Variants in INA observed in about 807,000 individuals in gnomAD.
INA encodes the protein alpha-internexin.
A neutral mutation model predicts 40.1 loss-of-function variants in INA; 35 were observed. That is an observed-to-expected ratio of 0.87 (90% CI 0.67 to 1.16). The LOEUF (loss-of-function observed/expected upper bound fraction) is 1.16. INA is among the 50% of genes most tolerant of loss of function. The pLI, the probability that INA is intolerant of heterozygous loss-of-function variation, is 0.00. For missense variants in INA, 594 were observed against 686.7 expected (o/e 0.87, Z 1.51); for synonymous variants, 290 against 316.9 (o/e 0.92, Z 0.90).
Position 103,288,463 on chromosome 10 carries a change from C to T in INA, c.1294C>T (p.Leu432Phe). Residue 432 changes from leucine (L) to phenylalanine (F), a missense_variant, in exon 3 of 3, where the codon CTC becomes TTC. Transcript: ENST00000369849. ...NPSYLLPPRILSATTSKVSST... is the reference protein window; with the variant it reads ...NPSYLLPPRIFSATTSKVSST... ...AAGTTACCTGCTCCCACCTAGAATCCTCAGTGCTACAACCTCCAAAGTCTC... is the reference window on the plus strand; with the variant it reads ...AAGTTACCTGCTCCCACCTAGAATCTTCAGTGCTACAACCTCCAAAGTCTC... 6.2e-7 allele frequency: 1 copy of T among 1,613,970 alleles called. No individual in the cohort carries two copies. Among genetic ancestry groups the T allele is most frequent in the African/African-American group, 1.3e-5 (1 of 74,978 alleles).
chr10:103,287,060 A>G lies in INA; in HGVS notation c.1091A>G (p.Asp364Gly). Residue 364 changes from aspartate to glycine, a missense_variant, in exon 2 of 3, where the codon GAT becomes GGT. By Grantham distance (94) the Asp-to-Gly change is moderately conservative. Transcript: ENST00000369849. ...YQDSIGQLEN[D>G]LRNTKSEMAR... ...GATAGCATTGGGCAGCTGGAGAATG[A>G]TCTGAGGAACACCAAGAGTGAGATG... The G allele has an allele frequency of 1.2e-6, 2 of 1,613,992 alleles. No individual in the cohort carries two copies. Among genetic ancestry groups the G allele is most frequent in the South Asian group, 1.1e-5 (1 of 91,042 alleles).
In INA at chr10:103,277,530, G is replaced by C. The variant is rs749939557; in HGVS notation, c.319G>C (p.Val107Leu). ...QLQGLNDRFA[V>L]FIEKVHQLET... ...GCAGGGCCTCAACGACCGCTTCGCC[G>C]TGTTCATCGAGAAGGTGCATCAGCT... Residue 107 changes from valine to leucine, a missense_variant, in exon 1 of 3, where the codon GTG becomes CTG. Physicochemically the swap from Val to Leu is conservative, Grantham distance 32. Coordinates refer to ENST00000369849, the MANE Select transcript of INA (RefSeq NM_032727.4). This position sits in a 1 kb window ranked among gnomAD's most constrained non-coding sequence, Gnocchi z 5.6. 1.8e-5 allele frequency: 29 copies of C among 1,585,954 alleles called. No homozygotes were observed. The highest frequency in any genetic ancestry group is 2.1e-5 in the Non-Finnish European group (24 of 1,170,106).
At chr10:103,286,997 T>A in intron 1 of INA, 38 bp from the exon 2 acceptor site, 1 of 1,600,252 alleles carries the variant, frequency 6.2e-7, no homozygotes, top group Non-Finnish European at 8.5e-7. Flanking sequence ...GAATTTCAGC[T>A]GGTTTGGCCT....
rs753321500 is a variant in INA, at chr10:103,277,631, C to A, written c.420C>A (p.Gly140=). Residue 140 remains glycine, a synonymous_variant, in exon 1 of 3, where the codon GGC becomes GGA. Coordinates refer to ENST00000369849, the MANE Select transcript of INA (RefSeq NM_032727.4). This position sits in a 1 kb window ranked among gnomAD's most constrained non-coding sequence, Gnocchi z 5.6. ...GCCACGCTGAGCCGTCGCGCGTCGG[C>A]GAGCTCTTCCAGCGCGAGCTGCGCG... ...RQRHAEPSRV[G]ELFQRELRDL... 1.2e-5 allele frequency: 17 copies of A among 1,465,804 alleles called. No individual in the cohort carries two copies. The highest frequency in any genetic ancestry group is 1.5e-5 in the Non-Finnish European group (17 of 1,114,148). 90.8% of individuals were successfully genotyped at this position (1,465,804 alleles called of 1,614,324 possible).
intron 1 of INA, chr10:103,280,813 C>T (rs2093070999): frequency 2.0e-6 from 2 of 985,424 alleles, no homozygotes; most frequent in African/African-American, 1.7e-5. Flanking sequence ...GCATAAAAAG[C>T]TGATGGGGTT....
At position 103,278,285 on chromosome 10, in the gene INA, C is replaced by G. The variant is rs764012055; in HGVS notation, c.1065+9C>G. On this transcript the variant is annotated intron_variant, in intron 1 of 2. Coordinates refer to ENST00000369849, the MANE Select transcript of INA (RefSeq NM_032727.4). The surrounding 1 kb of genome is among the most constrained non-coding windows in gnomAD (Gnocchi z 4.9). ...AGGTAGCTGGCTACCAGGTAAGGGC[C>G]GGGGCTGGGCGTGGGGAGGGGTGCC... 2.6e-6 allele frequency: 4 copies of G among 1,527,228 alleles called. No individual in the cohort carries two copies. The highest frequency in any genetic ancestry group is 1.4e-5 in the African/African-American group (1 of 72,684). The allele number at this position is 1,527,228 out of a possible 1,614,324, so 94.6% of individuals were successfully genotyped here.
Position 103,288,953 on chromosome 10 carries a change from T to C in INA, c.*284T>C, listed in dbSNP as rs953711000. 4.5e-6 allele frequency: 1 copy of C among 223,872 alleles called. No individual in the cohort carries two copies. Among genetic ancestry groups the C allele is most frequent in the Non-Finnish European group, 8.7e-6 (1 of 114,684 alleles). 13.9% of individuals were successfully genotyped at this position (223,872 alleles called of 1,614,324 possible). A position where few individuals can be genotyped will look rare whatever the true frequency, so the allele number is the denominator to read the frequency against. On this transcript the variant is annotated 3_prime_UTR_variant, in exon 3 of 3. Transcript: ENST00000369849. ...ATCGATGATTCAGGTGCAGAGGAAG[T>C]ACAAACTAAGGTGCTAAATCTGCGA...
intron 1 of INA, among the ~76,000 whole-genome samples, chr10:103,285,130 T>C (rs930607833): frequency 6.6e-6 from 1 of 151,250 alleles, no homozygotes; most frequent in African/African-American, 2.4e-5. Context: ...ATTATAGGCA[T>C]GCACCACCAC....
At chr10:103,283,942 T>A (rs887203169) in intron 1 of INA, among the ~76,000 whole-genome samples, 1 of 151,742 alleles carries the variant, frequency 6.6e-6, no homozygotes, top group African/African-American at 2.4e-5. Context: ...GTAGAGACCA[T>A]AGTTTCACCA....
chr10:103,288,525 G>A lies in INA; in HGVS notation c.1356G>A (p.Glu452=), dbSNP rs142636733. Residue 452 remains glutamate, a synonymous_variant, in exon 3 of 3, where the codon GAG becomes GAA. Coordinates refer to ENST00000369849, the MANE Select transcript of INA (RefSeq NM_032727.4). ...TGLSLKKEEE[E]EEASKVASKK... Reference sequence around the variant, plus strand: ...TATCACTTAAGAAAGAGGAGGAGGAGGAGGAGGCATCTAAGGTAGCCTCTA... The same window carrying A: ...TATCACTTAAGAAAGAGGAGGAGGAAGAGGAGGCATCTAAGGTAGCCTCTA... The A allele has an allele frequency of 6.2e-7, 1 of 1,613,912 alleles. No homozygotes were observed. The highest frequency in any genetic ancestry group is 8.5e-7 in the Non-Finnish European group (1 of 1,179,986).
intron 1 of INA, among the ~76,000 whole-genome samples, chr10:103,283,318 C>T (rs562668095): frequency 5.3e-4 from 81 of 152,274 alleles, no homozygotes; most frequent in African/African-American, 1.9e-3. Context: ...ATTCTCTTGT[C>T]AGTAGCTAGA....
Position 103,277,169 on chromosome 10 carries a change from T to C in INA, c.-43T>C. 1 of 1,530,772 alleles carries C rather than the reference T, an allele frequency of 6.5e-7. No individual in the cohort carries two copies. 94.8% of individuals were successfully genotyped at this position (1,530,772 alleles called of 1,614,324 possible). ...CCTGCCGCACCTCTCCTTTCTTCTG[T>C]AGCTCGCGTTGAAGCCGCACGTCCG... is the stretch of plus-strand genomic sequence containing the variant. On this transcript the variant is annotated 5_prime_UTR_variant, in exon 1 of 3. Transcript: ENST00000369849. The surrounding 1 kb of genome is among the most constrained non-coding windows in gnomAD (Gnocchi z 5.6).
Position 103,277,275 on chromosome 10 carries a change from G to C in INA, c.64G>C (p.Gly22Arg). The stretch of plus-strand genomic sequence containing the variant: ...CTCCTACCGCAAGGTGTTCGGGGAT[G>C]GCTCTCGCCTGTCCGCCCGCCTCTC... Reference protein sequence around the residue: ...SSSYRKVFGDGSRLSARLSGA... With the variant: ...SSSYRKVFGDRSRLSARLSGA... Residue 22 changes from glycine (G) to arginine (R), a missense_variant, in exon 1 of 3, where the codon GGC (glycine) becomes CGC (arginine). By Grantham distance (125) the Gly-to-Arg change is moderately radical. Transcript: ENST00000369849. This position sits in a 1 kb window ranked among gnomAD's most constrained non-coding sequence, Gnocchi z 5.6. The C allele has an allele frequency of 6.3e-7, 1 of 1,590,162 alleles. No individual in the cohort carries two copies. Among genetic ancestry groups the C allele is most frequent in the Non-Finnish European group, 8.5e-7 (1 of 1,173,032 alleles).
chr10:103,280,586 C>G, intron 1 of INA: 1 of 985,408 alleles, frequency 1.0e-6, no homozygotes, highest in Non-Finnish European at 1.2e-6. Flanking sequence ...CTCTATGAAA[C>G]ATAGGAAGGC....
chr10:103,285,273 C>T (rs920309308), intron 1 of INA, among the ~76,000 whole-genome samples: 1 of 151,096 alleles, frequency 6.6e-6, no homozygotes, highest in Non-Finnish European at 1.5e-5. Context: ...CATGAGCCAT[C>T]GTGCCTGGCA....
chr10:103,289,476 T>C lies in INA; in HGVS notation c.*807T>C, dbSNP rs2093094724. On this transcript the variant is annotated 3_prime_UTR_variant, in exon 3 of 3. Transcript: ENST00000369849. ...ACTTTAGGCTTTCAGCTTACACAAA[T>C]CTATTTAATTAGGAAAAAAACTATT... 6.6e-6 allele frequency: 1 copy of C among 152,618 alleles called. No homozygotes were observed. The highest frequency in any genetic ancestry group is 2.4e-5 in the African/African-American group (1 of 41,454). 9.5% of individuals were successfully genotyped at this position (152,618 alleles called of 1,614,324 possible).
intron 1 of INA, among the ~76,000 whole-genome samples, chr10:103,284,826 G>A (rs1287124841): frequency 1.3e-5 from 2 of 152,022 alleles, no homozygotes; most frequent in African/African-American, 4.8e-5. Flanking sequence ...GCATTCAACT[G>A]AGTGCTTTTT....
At position 103,277,294 on chromosome 10, in the gene INA, G is replaced by A. The variant is rs772560394; in HGVS notation, c.83G>A (p.Arg28His). 8 of 1,590,194 alleles carry A rather than the reference G, an allele frequency of 5.0e-6. No individual in the cohort carries two copies. Among genetic ancestry groups the A allele is most frequent in the African/African-American group, 2.8e-5 (2 of 71,700 alleles). Reference sequence around the variant, plus strand: ...GGGGATGGCTCTCGCCTGTCCGCCCGCCTCTCTGGGGCCGGCGGCGCGGGC... The same window carrying A: ...GGGGATGGCTCTCGCCTGTCCGCCCACCTCTCTGGGGCCGGCGGCGCGGGC... ...VFGDGSRLSA[R>H]LSGAGGAGGF... The change falls in exon 1 of 3, where the codon CGC becomes CAC. Residue 28 changes from arginine to histidine, a missense_variant. Coordinates refer to ENST00000369849, the MANE Select transcript of INA (RefSeq NM_032727.4). This position sits in a 1 kb window ranked among gnomAD's most constrained non-coding sequence, Gnocchi z 5.6.
At position 103,277,226 on chromosome 10, in the gene INA, G is replaced by A. The variant is rs377641394; in HGVS notation, c.15G>A (p.Ser5=). 8 of 1,581,240 alleles carry A rather than the reference G, an allele frequency of 5.1e-6. No homozygotes were observed. The highest frequency in any genetic ancestry group is 6.0e-6 in the Non-Finnish European group (7 of 1,167,450). MSFG[S]EHYLCSSSSY... is the part of the protein sequence containing the mutation. ...ATCCCGGCACCATGAGCTTCGGCTC[G>A]GAGCACTACCTGTGCTCCTCCTCCT... Residue 5 remains serine, a synonymous_variant, in exon 1 of 3, where the codon TCG becomes TCA. Transcript: ENST00000369849. This position sits in a 1 kb window ranked among gnomAD's most constrained non-coding sequence, Gnocchi z 5.6.
Sources: gnomAD v4.1 joint callset for allele counts (sites outside exome capture counted in the v4.1 genomes callset) on GRCh38, gnomAD v4.1.1 for gene constraint, Gnocchi (gnomAD v3.1) non-coding constraint, MANE v1.5 for transcripts, NCBI Gene and HGNC (gene_info 2026-07-23, HGNC 2026-07-21) for gene names.